Variants in JAZF1 observed in about 807,000 individuals in gnomAD.
JAZF1 encodes juxtaposed with another zinc finger protein 1.
In JAZF1, 8 loss-of-function variants were observed where a neutral mutation model predicts 26.4. The observed-to-expected ratio is 0.30, with a 90% CI of 0.18 to 0.55. JAZF1 has a LOEUF of 0.55. Ranked by LOEUF, JAZF1 falls within the 20% of genes least tolerant of loss-of-function variation. The pLI, the probability that JAZF1 is intolerant of heterozygous loss-of-function variation, is 0.94. For synonymous variants in JAZF1, 126 were observed against 122.3 expected, an observed-to-expected ratio of 1.03 and a Z score of -0.20; for missense variants, 199 against 322.0, an observed-to-expected ratio of 0.62 and a Z score of 2.92.
intron 1 of JAZF1, among the ~76,000 whole-genome samples, chr7:28,083,684 C>T (rs1228406743): frequency 3.9e-5 from 6 of 152,076 alleles, no homozygotes; most frequent in Non-Finnish European, 8.8e-5. Flanking sequence ...AATGCTACTG[C>T]TGCCTTAACC....
intron 1 of JAZF1, among the ~76,000 whole-genome samples, chr7:28,175,936 G>C (rs1783544599): frequency 6.6e-6 from 1 of 152,166 alleles, no homozygotes; most frequent in East Asian, 1.9e-4. Context: ...AGAAGATAAT[G>C]CAAATATTTA....
chr7:28,158,425 G>A (rs1219960744), intron 1 of JAZF1, among the ~76,000 whole-genome samples: 1 of 152,116 alleles, frequency 6.6e-6, no homozygotes, highest in Admixed American at 6.5e-5. Context: ...GGAAGAGAAC[G>A]GCAGAGACTC....
At chr7:28,024,128 A>T (rs923304948) in intron 1 of JAZF1, among the ~76,000 whole-genome samples, 1 of 151,902 alleles carries the variant, frequency 6.6e-6, no homozygotes, top group East Asian at 1.9e-4. Flanking sequence ...CTAAAAAAAA[A>T]AAATAAAATA....
intron 1 of JAZF1, among the ~76,000 whole-genome samples, chr7:28,063,777 T>G (rs1030746402): frequency 1.3e-5 from 2 of 152,158 alleles, no homozygotes; most frequent in African/African-American, 4.8e-5. Flanking sequence ...ATTACAAAAA[T>G]TTTTAGGACA....
chr7:28,114,263 C>T (rs1270117367), intron 1 of JAZF1, among the ~76,000 whole-genome samples: 1 of 152,134 alleles, frequency 6.6e-6, no homozygotes, highest in Non-Finnish European at 1.5e-5. Context: ...CTACCTTTAC[C>T]TTCTGCAAAC....
intron 2 of JAZF1, among the ~76,000 whole-genome samples, chr7:27,896,175 A>G (rs578258183): frequency 6.6e-6 from 1 of 152,320 alleles, no homozygotes; most frequent in East Asian, 1.9e-4. Flanking sequence ...ACTTTTCCTG[A>G]TAGTTTCACT....
At chr7:28,054,596 A>C (rs1783668099) in intron 1 of JAZF1, among the ~76,000 whole-genome samples, 1 of 152,080 alleles carries the variant, frequency 6.6e-6, no homozygotes, top group Non-Finnish European at 1.5e-5. Context: ...TTCTGGCCAC[A>C]CTAAAGCTAC....
chr7:28,110,478 G>GA (rs1395394109), intron 1 of JAZF1, among the ~76,000 whole-genome samples: 3 of 74,004 alleles, frequency 4.1e-5, no homozygotes, highest in Non-Finnish European at 5.3e-5. Context: ...GAAAGGAAAG[G>GA]AAAGGAAAGG....
intron 3 of JAZF1, among the ~76,000 whole-genome samples, chr7:27,864,251 TCAA>T (rs148646036): frequency 0.011 from 1,741 of 152,228 alleles, 43 homozygotes; most frequent in African/African-American, 0.039. Context: ...GCTATTCAAA[TCAA>T]CATCTTCTAA....
chr7:28,020,395 A>G (rs909059244), intron 1 of JAZF1, among the ~76,000 whole-genome samples: 4 of 152,154 alleles, frequency 2.6e-5, no homozygotes. Context: ...TGAATCGGAA[A>G]TGCAGCCTGT....
chr7:27,959,031 C>T (rs1180486628), intron 2 of JAZF1, among the ~76,000 whole-genome samples: 1 of 152,136 alleles, frequency 6.6e-6, no homozygotes, highest in African/African-American at 2.4e-5. Flanking sequence ...ATGTTAATGG[C>T]AGCAATCATT....
At chr7:27,915,587 T>C (rs1734909195) in intron 2 of JAZF1, among the ~76,000 whole-genome samples, 1 of 152,230 alleles carries the variant, frequency 6.6e-6, no homozygotes, top group Non-Finnish European at 1.5e-5. Flanking sequence ...AGGTTTATTA[T>C]CCTGAATAAG....
intron 3 of JAZF1, among the ~76,000 whole-genome samples, chr7:27,885,996 A>C (rs1783855362): frequency 6.6e-6 from 1 of 152,208 alleles, no homozygotes; most frequent in Non-Finnish European, 1.5e-5. Flanking sequence ...ACCTGACAAC[A>C]TAAGCCATTT....
chr7:27,834,652 G>C (rs1782771347), intron 4 of JAZF1, among the ~76,000 whole-genome samples: 1 of 152,208 alleles, frequency 6.6e-6, no homozygotes, highest in African/African-American at 2.4e-5. Flanking sequence ...TGAAATGTTA[G>C]ATGGGTAGAT....
chr7:27,874,192 G>A (rs1245750589), intron 3 of JAZF1, among the ~76,000 whole-genome samples: 10 of 152,206 alleles, frequency 6.6e-5, no homozygotes, highest in Admixed American at 2.6e-4. Flanking sequence ...CCATGGGCTC[G>A]TGCCAGCCCT....
chr7:27,861,515 C>G (rs1473521582), intron 3 of JAZF1, among the ~76,000 whole-genome samples: 1 of 151,066 alleles, frequency 6.6e-6, no homozygotes, highest in Non-Finnish European at 1.5e-5. Context: ...TTTCTGCCAT[C>G]ACCTGTTTTA....
intron 2 of JAZF1, among the ~76,000 whole-genome samples, chr7:27,958,540 C>T (rs2128356605): frequency 6.6e-6 from 1 of 152,286 alleles, no homozygotes; most frequent in Non-Finnish European, 1.5e-5. Context: ...GCTGCTGCTC[C>T]ACCAAAGCAA....
chr7:28,090,698 T>A (rs1784279779), intron 1 of JAZF1, among the ~76,000 whole-genome samples: 1 of 152,158 alleles, frequency 6.6e-6, no homozygotes, highest in Non-Finnish European at 1.5e-5. Context: ...TAGTAATTAG[T>A]GGAACCTGAA....
At chr7:27,976,035 T>C (rs1766779943) in intron 2 of JAZF1, among the ~76,000 whole-genome samples, 1 of 152,164 alleles carries the variant, frequency 6.6e-6, no homozygotes, top group African/African-American at 2.4e-5. Context: ...AGCTTCCCAG[T>C]GTCCCTCAAG....
Sources: allele counts gnomAD v4.1 joint callset (sites outside exome capture counted in the v4.1 genomes callset), GRCh38; gene constraint gnomAD v4.1.1; transcripts MANE v1.5; gene names NCBI Gene and HGNC (gene_info 2026-07-23, HGNC 2026-07-21).